The following MAPKAP1 variants were observed in gnomAD, a reference collection of about 807,000 sequenced individuals.
MAPKAP1 encodes the protein target of rapamycin complex 2 subunit MAPKAP1.
Under a neutral mutation model 65.7 loss-of-function variants are expected in MAPKAP1, and 20 were observed. The ratio of observed to expected loss-of-function variants is 0.30; its 90% CI spans 0.21 to 0.44. The LOEUF (loss-of-function observed/expected upper bound fraction) is 0.44, where lower values mean the gene tolerates loss of function less well. Among genes scored for constraint, MAPKAP1 ranks in the 20% least tolerant of loss-of-function variants. MAPKAP1 has a pLI of 1.00. For synonymous variants in MAPKAP1, 222 were observed against 244.3 expected (o/e 0.91, Z 0.85); for missense variants, 423 against 648.0 (o/e 0.65, Z 3.77).
intron 7 of MAPKAP1, among the ~76,000 whole-genome samples, chr9:125,540,267 T>A (rs897920010): frequency 6.6e-6 from 1 of 152,198 alleles, no homozygotes; most frequent in East Asian, 1.9e-4. Context: ...GAGCAAACAT[T>A]AGGACTGCCA....
chr9:125,492,309 T>C (rs952271378), intron 8 of MAPKAP1, among the ~76,000 whole-genome samples: 3 of 152,236 alleles, frequency 2.0e-5, no homozygotes, highest in African/African-American at 4.8e-5. Flanking sequence ...GCTGACTTTA[T>C]TGGTTATAAT....
intron 1 of MAPKAP1, among the ~76,000 whole-genome samples, chr9:125,677,589 G>C (rs1007142993): frequency 7.2e-5 from 11 of 152,198 alleles, no homozygotes; most frequent in African/African-American, 2.6e-4. Context: ...TCAGCTACTC[G>C]GGAGGCTGAG....
intron 1 of MAPKAP1, among the ~76,000 whole-genome samples, chr9:125,677,276 A>T (rs1206551496): frequency 1.3e-5 from 2 of 152,048 alleles, no homozygotes; most frequent in Non-Finnish European, 2.9e-5. Flanking sequence ...CATCTCTACT[A>T]AAAATACAAA....
intron 7 of MAPKAP1, among the ~76,000 whole-genome samples, chr9:125,526,977 G>A (rs1829788702): frequency 6.7e-6 from 1 of 149,452 alleles, no homozygotes; most frequent in Non-Finnish European, 1.5e-5. Context: ...GTTTCACTGT[G>A]TTAGCCAGGA....
rs564159172 is a variant in MAPKAP1, at chr9:125,497,126, TAAG to T, written c.1066+9181_1066+9183del. Among the ~76,000 whole-genome samples, 22 of 152,174 alleles carry T rather than the reference TAAG, an allele frequency of 1.4e-4. No homozygotes were observed. In the South Asian group the frequency reaches 4.0e-3, roughly 27 times the overall value. On this transcript the variant is annotated intron_variant, in intron 8 of 11. Coordinates refer to ENST00000265960, the MANE Select transcript of MAPKAP1 (RefSeq NM_001006617.3). ...TCTCCTGGGGCCTCAGGGGGAAAAT[TAAG>T]AAGGTAAATGAGGGCTCTCAGACTA... is the stretch of plus-strand genomic sequence containing the variant.
chr9:125,685,824 G>C (rs1288347116), intron 1 of MAPKAP1, among the ~76,000 whole-genome samples: 1 of 152,134 alleles, frequency 6.6e-6, no homozygotes, highest in Non-Finnish European at 1.5e-5. Context: ...CATCTTTCTT[G>C]TTCCCAAGGG....
At chr9:125,574,346 T>C (rs1402190199) in intron 5 of MAPKAP1, among the ~76,000 whole-genome samples, 3 of 152,196 alleles carry the variant, frequency 2.0e-5, no homozygotes, top group Non-Finnish European at 4.4e-5. Context: ...ACTTATGGTA[T>C]TGATGTTAAA....
rs372529461 is a variant in MAPKAP1, at chr9:125,639,445, G to A, written c.498+18206C>T. ...TTGAGAATTAATCAATGCATGCAAAGCACTCAGAATTGTGCCTGGCACATA... is the reference window on the plus strand; with the variant it reads ...TTGAGAATTAATCAATGCATGCAAAACACTCAGAATTGTGCCTGGCACATA... On this transcript the variant is annotated intron_variant, in intron 4 of 11. Coordinates refer to ENST00000265960, the MANE Select transcript of MAPKAP1 (RefSeq NM_001006617.3). 3.3e-5 allele frequency among the ~76,000 whole-genome samples: 5 copies of A among 152,180 alleles called. No individual in the cohort carries two copies. In the East Asian group the frequency reaches 5.8e-4, roughly 18 times the overall value.
At chr9:125,691,477 T>C (rs1835169502) in intron 1 of MAPKAP1, among the ~76,000 whole-genome samples, 1 of 152,086 alleles carries the variant, frequency 6.6e-6, no homozygotes, top group South Asian at 2.1e-4. Context: ...ATTACCCAAA[T>C]AGAGATCCAT....
chr9:125,691,054 G>A (rs1345401544), intron 1 of MAPKAP1, among the ~76,000 whole-genome samples: 1 of 152,186 alleles, frequency 6.6e-6, no homozygotes, highest in Non-Finnish European at 1.5e-5. Flanking sequence ...GAGGTCAGGA[G>A]AATGAGACCA....
chr9:125,697,536 C>T (rs1368307724), intron 1 of MAPKAP1, among the ~76,000 whole-genome samples: 1 of 152,152 alleles, frequency 6.6e-6, no homozygotes, highest in East Asian at 1.9e-4. Context: ...TCTTCTGAAA[C>T]ATCTAAGATG....
chr9:125,507,317 T>C (rs751060143), intron 7 of MAPKAP1, among the ~76,000 whole-genome samples: 2 of 152,228 alleles, frequency 1.3e-5, no homozygotes, highest in Non-Finnish European at 2.9e-5. Flanking sequence ...TAATGGTTAT[T>C]GAAAGGATTA....
chr9:125,663,546 G>A (rs1245855932), intron 3 of MAPKAP1, among the ~76,000 whole-genome samples: 3 of 151,986 alleles, frequency 2.0e-5, no homozygotes, highest in Non-Finnish European at 4.4e-5. Flanking sequence ...ACCCCCAATC[G>A]AATATAAGCC....
intron 4 of MAPKAP1, among the ~76,000 whole-genome samples, chr9:125,642,334 G>C (rs911566278): frequency 6.6e-6 from 1 of 152,044 alleles, no homozygotes; most frequent in Non-Finnish European, 1.5e-5. Context: ...ATTATTTTCA[G>C]ACAGGAATAA....
chr9:125,610,727 T>A lies in MAPKAP1; in HGVS notation c.499-25000A>T, dbSNP rs2050762. 8.5e-3 allele frequency among the ~76,000 whole-genome samples: 1,290 copies of A among 152,344 alleles called. 30 individuals are homozygous for A. In the East Asian group the frequency reaches 0.086, roughly 10 times the overall value. On this transcript the variant is annotated intron_variant, in intron 4 of 11. Transcript: ENST00000265960. ...AACGAACCTTCATATGAAATTTCTA[T>A]CCCAAATTCGTATTATTTGATGGAC...
intron 3 of MAPKAP1, among the ~76,000 whole-genome samples, chr9:125,662,685 AAAAAAT>A (rs1834222930): frequency 6.6e-6 from 1 of 152,136 alleles, no homozygotes; most frequent in African/African-American, 2.4e-5. Context: ...TCCGTCTTAA[AAAAAAT>A]AAAAATAAAA....
At chr9:125,657,025 T>G (rs1834051840) in intron 4 of MAPKAP1, among the ~76,000 whole-genome samples, 2 of 152,186 alleles carry the variant, frequency 1.3e-5, no homozygotes, top group Non-Finnish European at 2.9e-5. Flanking sequence ...AGTGAAATAC[T>G]GAAATGCAAG....
intron 4 of MAPKAP1, among the ~76,000 whole-genome samples, chr9:125,649,798 C>CAAAAA (rs35503728): frequency 2.1e-4 from 16 of 76,030 alleles, no homozygotes; most frequent in African/African-American, 3.9e-4. Flanking sequence ...AACTCCGTCT[C>CAAAAA]AAAAAAAAAA....
At chr9:125,516,682 G>A (rs994074758) in intron 7 of MAPKAP1, among the ~76,000 whole-genome samples, 5 of 152,198 alleles carry the variant, frequency 3.3e-5, no homozygotes, top group Admixed American at 1.3e-4. Context: ...GTGGCAGTTG[G>A]AGTGTGGGTT....
Sources: gnomAD v4.1 joint callset for allele counts (sites outside exome capture counted in the v4.1 genomes callset) on GRCh38, gnomAD v4.1.1 for gene constraint, MANE v1.5 for transcripts, NCBI Gene and HGNC (gene_info 2026-07-23, HGNC 2026-07-21) for gene names.